Variants in BTG4 observed in about 807,000 individuals in gnomAD.
BTG4 encodes the protein protein BTG4.
A neutral mutation model predicts 19.3 loss-of-function variants in BTG4; 10 were observed. The ratio of observed to expected loss-of-function variants is 0.52; its 90% CI spans 0.32 to 0.88. The LOEUF is 0.88. Among genes scored for constraint, BTG4 ranks in the 40% least tolerant of loss-of-function variants. The pLI, the probability that BTG4 is intolerant of heterozygous loss-of-function variation, is 0.04. For synonymous variants in BTG4, 91 were observed against 95.7 expected, an observed-to-expected ratio of 0.95 and a Z score of 0.29; for missense variants, 238 against 281.9, an observed-to-expected ratio of 0.84 and a Z score of 1.11.
chr11:111,391,860 G>T, the BTG4 span, among the ~76,000 whole-genome samples: 1 of 152,100 alleles, frequency 6.6e-6, no homozygotes, highest in Non-Finnish European at 1.5e-5. Context: ...TCTAACAATT[G>T]TTTCAGCAAG....
the BTG4 span, among the ~76,000 whole-genome samples, chr11:111,438,985 A>T: frequency 1.3e-5 from 2 of 152,236 alleles, no homozygotes; most frequent in Admixed American, 1.3e-4. Flanking sequence ...CTTAAGGGAA[A>T]GCAGGCTGCC....
chr11:111,455,902 C>G, the BTG4 span: 2 of 431,846 alleles, frequency 4.6e-6, no homozygotes, highest in Non-Finnish European at 9.6e-6. Context: ...GGGCCTCAGC[C>G]AGGGCCCCCC....
the BTG4 span, chr11:111,452,554 T>C: frequency 3.3e-5 from 5 of 152,200 alleles, no homozygotes; most frequent in Non-Finnish European, 4.4e-5. Context: ...CTGGGGGAGA[T>C]TGTGCTGCTC....
the BTG4 span, chr11:111,456,367 C>T: frequency 7.8e-6 from 3 of 384,284 alleles, no homozygotes; most frequent in East Asian, 1.5e-4. The surrounding 1 kb of genome is among the most constrained non-coding windows in gnomAD (Gnocchi z 4.2). Flanking sequence ...GATGAGACCC[C>T]TGCCCCCTCA....
chr11:111,464,049 T>C (rs772315764), downstream of BTG4, among the ~76,000 whole-genome samples: 4 of 152,190 alleles, frequency 2.6e-5, no homozygotes, highest in Non-Finnish European at 5.9e-5. Flanking sequence ...CAGGCTGTAG[T>C]GCAGTGGTGC....
chr11:111,436,673 G>A, the BTG4 span, among the ~76,000 whole-genome samples: 1 of 151,286 alleles, frequency 6.6e-6, no homozygotes, highest in Non-Finnish European at 1.5e-5. Flanking sequence ...CACCTAACAG[G>A]CCTGAGGGGT....
chr11:111,404,092 T>A, the BTG4 span, among the ~76,000 whole-genome samples: 6 of 152,152 alleles, frequency 3.9e-5, no homozygotes, highest in African/African-American at 1.4e-4. Context: ...CCTATGCTGT[T>A]CTCATGAGAG....
chr11:111,458,132 G>A, the BTG4 span: 1 of 152,798 alleles, frequency 6.5e-6, no homozygotes, highest in African/African-American at 2.4e-5. Flanking sequence ...ACAGCCACTG[G>A]CCTTGACTCT....
At chr11:111,430,066 T>C in the BTG4 span, among the ~76,000 whole-genome samples, 91 of 152,344 alleles carry the variant, frequency 6.0e-4, no homozygotes, top group African/African-American at 2.1e-3. Context: ...TTATGGTGCA[T>C]TGTCATGTGT....
At chr11:111,393,338 A>T in the BTG4 span, among the ~76,000 whole-genome samples, 1 of 152,178 alleles carries the variant, frequency 6.6e-6, no homozygotes, top group Non-Finnish European at 1.5e-5. Flanking sequence ...ATCCAAAGCA[A>T]AGGGCAGCAT....
chr11:111,437,081 TCATCTGGAA>T, the BTG4 span, among the ~76,000 whole-genome samples: 3 of 152,098 alleles, frequency 2.0e-5, no homozygotes, highest in Non-Finnish European at 4.4e-5. Context: ...AACTCCCTCA[TCATCTGGAA>T]CTCTTCCTGC....
At chr11:111,389,784 C>T in the BTG4 span, among the ~76,000 whole-genome samples, 1 of 152,244 alleles carries the variant, frequency 6.6e-6, no homozygotes, top group African/African-American at 2.4e-5. Context: ...GTACGTTTTT[C>T]TTTTAAAAAA....
At chr11:111,408,068 C>G in the BTG4 span, among the ~76,000 whole-genome samples, 1 of 152,260 alleles carries the variant, frequency 6.6e-6, no homozygotes, top group African/African-American at 2.4e-5. Flanking sequence ...CCACTCTGCA[C>G]AGGCTTACCT....
chr11:111,465,140 G>T (rs1156960735), downstream of BTG4, among the ~76,000 whole-genome samples: 1 of 152,190 alleles, frequency 6.6e-6, no homozygotes, highest in African/African-American at 2.4e-5. Flanking sequence ...AGAGCACGTG[G>T]CTTTCCTAAC....
intron 1 of BTG4, chr11:111,507,873 A>C (rs1591537161): frequency 6.6e-6 from 1 of 152,194 alleles, no homozygotes; most frequent in Non-Finnish European, 1.5e-5. Flanking sequence ...AGGTCAATGA[A>C]GAATCAGCCA....
chr11:111,459,073 C>G, the BTG4 span, among the ~76,000 whole-genome samples: 1 of 152,084 alleles, frequency 6.6e-6, no homozygotes, highest in Non-Finnish European at 1.5e-5. Flanking sequence ...GAAACCCCGT[C>G]TCTACTAAAA....
chr11:111,420,789 G>A, the BTG4 span, among the ~76,000 whole-genome samples: 5 of 152,120 alleles, frequency 3.3e-5, no homozygotes, highest in African/African-American at 1.2e-4. Context: ...GTGGTTGACA[G>A]GATAAAAAAA....
At chr11:111,428,417 C>T in the BTG4 span, among the ~76,000 whole-genome samples, 1 of 152,172 alleles carries the variant, frequency 6.6e-6, no homozygotes, top group African/African-American at 2.4e-5. Flanking sequence ...GTCCTGCAAT[C>T]CTCAGCAAGC....
the BTG4 span, among the ~76,000 whole-genome samples, chr11:111,419,827 A>G: frequency 1.3e-5 from 2 of 152,246 alleles, no homozygotes; most frequent in African/African-American, 2.4e-5. Flanking sequence ...ATGAGTCCTC[A>G]GCAGCCTCAG....
Sources: gnomAD v4.1 joint callset for allele counts (sites outside exome capture counted in the v4.1 genomes callset) on GRCh38, gnomAD v4.1.1 for gene constraint, Gnocchi (gnomAD v3.1) non-coding constraint, MANE v1.5 for transcripts, NCBI Gene and HGNC (gene_info 2026-07-23, HGNC 2026-07-21) for gene names.